Variants in CHTF18 observed in about 807,000 individuals in gnomAD.
The protein encoded by CHTF18 is chromosome transmission fidelity protein 18 homolog.
Under a neutral mutation model 113.4 loss-of-function variants are expected in CHTF18, and 151 were observed. That is an observed-to-expected ratio of 1.33 (90% CI 1.17 to 1.52). The LOEUF (loss-of-function observed/expected upper bound fraction) is 1.52. CHTF18 is among the 40% of genes most tolerant of loss of function. CHTF18 has a pLI of 0.00. For missense variants in CHTF18, 1,982 were observed against 1,381.6 expected (o/e 1.43, Z -6.89); for synonymous variants, 916 against 598.8 (o/e 1.53, Z -7.74).
intron 7 of CHTF18, 156 bp downstream of exon 7, chr16:790,822 C>T (rs1467096441): frequency 5.6e-6 from 8 of 1,433,826 alleles, no homozygotes; most frequent in South Asian, 4.5e-5. Context: ...GAACTGAGCA[C>T]AGGGCTGTGT....
Position 790,355 on chromosome 16 carries a change from G to A in CHTF18, c.708G>A (p.Glu236=), listed in dbSNP as rs1414281594. 1.9e-6 allele frequency: 3 copies of A among 1,611,308 alleles called. No individual in the cohort carries two copies. The highest frequency in any genetic ancestry group is 1.7e-5 in the Admixed American group (1 of 59,882). ...GCCTGTTGTTTGCACAGCGGCGGGA[G>A]CGGCTGCTTCAGGAGGCCCAGAAGC... is the stretch of plus-strand genomic sequence containing the variant. The part of the protein sequence containing the change: ...LKKQVDGERR[E]RLLQEAQKLS... Residue 236 remains glutamate, a synonymous_variant, in exon 6 of 22, where the codon GAG becomes GAA. Transcript: ENST00000262315.
At chr16:794,436 C>A (rs572408641) in intron 15 of CHTF18, among the ~76,000 whole-genome samples, 2 of 152,070 alleles carry the variant, frequency 1.3e-5, no homozygotes, top group African/African-American at 4.8e-5. Context: ...GGCCGTCTGA[C>A]GGGGGAGGTC....
chr16:794,426 G>A (rs1055675727), intron 15 of CHTF18, among the ~76,000 whole-genome samples: 3 of 152,104 alleles, frequency 2.0e-5, no homozygotes, highest in Non-Finnish European at 2.9e-5. Flanking sequence ...AGGTAGGGGC[G>A]GCCGTCTGAC....
chr16:797,155 C>T (rs1413616880), intron 20 of CHTF18, 63 bp downstream of exon 20: 22 of 1,450,268 alleles, frequency 1.5e-5, no homozygotes, highest in Middle Eastern at 2.5e-4. Flanking sequence ...GTGGCTAGGG[C>T]AGTCATGAGG....
In CHTF18 at chr16:789,963, C is replaced by G. The variant is rs532285240; in HGVS notation, c.607-214C>G. On this transcript the variant is annotated intron_variant, in intron 4 of 21. Coordinates refer to ENST00000262315, the MANE Select transcript of CHTF18 (RefSeq NM_022092.3). ...CCTTGCTTCCCCTCCTGCTTTTGCC[C>G]TTTCCTCCTTTCTCCTAAAGCTGCC... 8.6e-5 allele frequency: 132 copies of G among 1,534,324 alleles called. No homozygotes were observed. In the South Asian group the frequency reaches 1.4e-3, roughly 16 times the overall value.
At chr16:790,470 T>C (rs1179851479) in intron 6 of CHTF18, 55 bp from the exon 7 acceptor site, 1 of 1,608,648 alleles carries the variant, frequency 6.2e-7, no homozygotes, top group East Asian at 2.2e-5. Flanking sequence ...TCCTAGCGTG[T>C]GGGTTGGCAT....
chr16:794,241 G>A lies in CHTF18; in HGVS notation c.1950+40G>A, dbSNP rs761409854. ...CCAAAATGCCTGCCTGGGGCCGCCT[G>A]GCTAGGACCTGGGCTGTGCCCCTGC... On this transcript the variant is annotated intron_variant, in intron 15 of 21. Coordinates refer to ENST00000262315, the MANE Select transcript of CHTF18 (RefSeq NM_022092.3). 1.9e-6 allele frequency: 3 copies of A among 1,599,332 alleles called. No individual in the cohort carries two copies. In the African/African-American group the frequency reaches 4.0e-5, roughly 21 times the overall value.
chr16:792,750 A>C lies in CHTF18; in HGVS notation c.1511A>C (p.Gln504Pro). 1 of 1,552,644 alleles carries C rather than the reference A, an allele frequency of 6.4e-7. No individual in the cohort carries two copies. The highest frequency in any genetic ancestry group is 8.7e-7 in the Non-Finnish European group (1 of 1,153,464). Residue 504 changes from glutamine (Q) to proline (P), a missense_variant, in exon 12 of 22, where the codon CAG (glutamine) becomes CCG (proline). Transcript: ENST00000262315. Reference protein sequence around the residue: ...FAPSLRQLKQQAFLLHFPPTL... With the variant: ...FAPSLRQLKQPAFLLHFPPTL... ...CCGTCCCTGCGGCAGCTGAAGCAGCAGGCCTTCCTGCTCCACTTCCCGCCG... is the reference window on the plus strand; with the variant it reads ...CCGTCCCTGCGGCAGCTGAAGCAGCCGGCCTTCCTGCTCCACTTCCCGCCG...
chr16:795,427 C>T (rs534535998), intron 16 of CHTF18, 71 bp downstream of exon 16: 2 of 1,155,760 alleles, frequency 1.7e-6, no homozygotes, highest in African/African-American at 1.7e-5. Context: ...GTGTGGCTGC[C>T]CCCGGCCCCG....
chr16:791,572 GGCTGGCCAGGATGA>G lies in CHTF18; in HGVS notation c.1104+203_1104+216del, dbSNP rs1567396320. 11 of 1,433,648 alleles carry G rather than the reference GGCTGGCCAGGATGA, an allele frequency of 7.7e-6. No individual in the cohort carries two copies. In the Admixed American group the frequency reaches 3.2e-4, roughly 41 times the overall value. The allele number at this position is 1,433,648 out of a possible 1,614,324, so 88.8% of individuals were successfully genotyped here. On this transcript the variant is annotated intron_variant, in intron 8 of 21. Transcript: ENST00000262315. ...AGTCGTTGTCCCTGAAGGGCTCTGCGGCTGGCCAGGATGATCTGGGTGGACGGTGGGTGGTTTCT... is the reference window on the plus strand; with the variant it reads ...AGTCGTTGTCCCTGAAGGGCTCTGCGTCTGGGTGGACGGTGGGTGGTTTCT...
rs1293222153 is a variant in CHTF18 at position 796,020 on chromosome 16, G to C, written c.2399G>C (p.Ser800Thr). ...ASLVGTMLAY[S>T]LTYRQERTPD... ...CTGGTGGGCACGATGCTCGCTTACA[G>C]CCTGACCTACCGCCAGGAGCGCACG... The change falls in exon 18 of 22, where the codon AGC becomes ACC. Residue 800 changes from serine to threonine, a missense_variant. By Grantham distance (58) the Ser-to-Thr change is moderately conservative. Transcript: ENST00000262315. 5 of 1,606,826 alleles carry C rather than the reference G, an allele frequency of 3.1e-6. No individual in the cohort carries two copies. The East Asian group carries it at 1.1e-4, about 36-fold the overall frequency.
intron 20 of CHTF18, 85 bp downstream of exon 20, chr16:797,177 C>T (rs2042374603): frequency 9.9e-6 from 14 of 1,407,382 alleles, no homozygotes; most frequent in Non-Finnish European, 1.2e-5. Flanking sequence ...GGGGCCAAGG[C>T]ACCCATGGGG....
chr16:795,996 T>G lies in CHTF18; in HGVS notation c.2375T>G (p.Leu792Arg), dbSNP rs754823620. The G allele has an allele frequency of 6.2e-7, 1 of 1,608,488 alleles. No individual in the cohort carries two copies. Among genetic ancestry groups the G allele is most frequent in the Admixed American group, 1.7e-5 (1 of 59,540 alleles). Reference protein sequence around the residue: ...STREKQQLASLVGTMLAYSLT... With the variant: ...STREKQQLASRVGTMLAYSLT... ...CGTGAAAAGCAACAGCTGGCCAGCC[T>G]GGTGGGCACGATGCTCGCTTACAGC... Residue 792 changes from leucine (L) to arginine (R), a missense_variant, in exon 18 of 22, where the codon CTG (leucine) becomes CGG (arginine). Physicochemically the swap from Leu to Arg is moderately radical, Grantham distance 102. Transcript: ENST00000262315.
chr16:789,290 C>A lies in CHTF18; in HGVS notation c.367C>A (p.Pro123Thr). 6.3e-7 allele frequency: 1 copy of A among 1,588,950 alleles called. No individual in the cohort carries two copies. The highest frequency in any genetic ancestry group is 8.6e-7 in the Non-Finnish European group (1 of 1,169,246). ...GGAGGAGATGGAGGAGCCGCCCCCT[C>A]CCGACTCCTCGCCGACGGACATCAC... ...RSEEMEEPPP[P>T]DSSPTDITPP... Residue 123 changes from proline (P) to threonine (T), a missense_variant, in exon 3 of 22, where the codon CCC becomes ACC. Physicochemically the swap from Pro to Thr is conservative, Grantham distance 38. Transcript: ENST00000262315.
chr16:795,715 C>G lies in CHTF18; in HGVS notation c.2206C>G (p.Leu736Val), dbSNP rs1255079928. Residue 736 changes from leucine (L) to valine (V), a missense_variant, in exon 17 of 22, where the codon CTG becomes GTG. By Grantham distance (32) the Leu-to-Val change is conservative (BLOSUM62 1). Transcript: ENST00000262315. The stretch of plus-strand genomic sequence containing the variant: ...GAACCGGATGAGCCAGATGAGGAAC[C>G]TGATCCAGACGCTGGTGTCCGGCAT... ...AQNRMSQMRN[L>V]IQTLVSGIAP... 17 of 1,605,700 alleles carry G rather than the reference C, an allele frequency of 1.1e-5. No individual in the cohort carries two copies. The highest frequency in any genetic ancestry group is 1.4e-5 in the African/African-American group (1 of 72,698).
chr16:789,560 G>T lies in CHTF18; in HGVS notation c.451G>T (p.Ala151Ser). 1 of 1,601,668 alleles carries T rather than the reference G, an allele frequency of 6.2e-7. No homozygotes were observed. Among genetic ancestry groups the T allele is most frequent in the Non-Finnish European group, 8.5e-7 (1 of 1,175,100 alleles). Residue 151 changes from alanine (A) to serine (S), a missense_variant, in exon 4 of 22, where the codon GCT becomes TCT. Ala to Ser is a moderately conservative substitution (Grantham distance 99, BLOSUM62 1). Transcript: ENST00000262315. Reference protein sequence around the residue: ...ELWGHGVSEAAADVGLTRASP... With the variant: ...ELWGHGVSEASADVGLTRASP... ...GTCTCTCTCCAGAGTCTCAGAAGCT[G>T]CTGCCGACGTGGGTCTCACACGGGC... is the stretch of plus-strand genomic sequence containing the variant.
chr16:791,985 G>C (rs199845062), intron 9 of CHTF18, 37 bp downstream of exon 9: 25 of 1,575,430 alleles, frequency 1.6e-5, no homozygotes, highest in Non-Finnish European at 2.0e-5. Flanking sequence ...CTCGCCTTCT[G>C]TCCTGACGTG....
At position 796,985 on chromosome 16, in the gene CHTF18, G is replaced by T. The variant is rs770120244; in HGVS notation, c.2626G>T (p.Glu876Ter). ...GGTGGATGGGAGCCCCCCAGGGCTC[G>T]AGGGTCTGCTGGGGGGCATTGGGGA... ...PQVDGSPPGLEGLLGGIGEKG... is the reference protein window; with the variant it reads ...PQVDGSPPGL The change falls in exon 20 of 22, where the codon GAG becomes TAG. Residue 876 changes from glutamate to a stop codon, truncating the protein, a stop_gained. Coordinates refer to ENST00000262315, the MANE Select transcript of CHTF18 (RefSeq NM_022092.3). LOFTEE classifies it high-confidence loss of function. The T allele has an allele frequency of 1.3e-6, 2 of 1,536,240 alleles. No individual in the cohort carries two copies. Among genetic ancestry groups the T allele is most frequent in the Admixed American group, 4.0e-5 (2 of 49,900 alleles).
chr16:791,728 A>T (rs1034156300), intron 8 of CHTF18, 123 bp from the exon 9 acceptor site: 4 of 1,447,050 alleles, frequency 2.8e-6, no homozygotes, highest in South Asian at 1.4e-5. Flanking sequence ...TTCTTATTTG[A>T]TGGCTGGAGT....
Sources: gnomAD v4.1 joint callset for allele counts (sites outside exome capture counted in the v4.1 genomes callset) on GRCh38, gnomAD v4.1.1 for gene constraint, MANE v1.5 for transcripts, NCBI Gene and HGNC (gene_info 2026-07-23, HGNC 2026-07-21) for gene names.